The following ZAP70 variants were observed in gnomAD, a reference collection of about 807,000 sequenced individuals.
The protein encoded by ZAP70 is zeta chain of T cell receptor associated protein kinase 70.
Under a neutral mutation model 65.8 loss-of-function variants are expected in ZAP70, and 27 were observed. The ratio of observed to expected loss-of-function variants is 0.41; its 90% CI spans 0.30 to 0.57. The LOEUF is 0.57. Ranked by LOEUF, ZAP70 falls within the 20% of genes least tolerant of loss-of-function variation. The probability of loss-of-function intolerance (pLI) is 0.28; values close to 1 mark genes in which losing one functional copy is unlikely to be tolerated. For synonymous variants in ZAP70, 363 were observed against 360.8 expected, an observed-to-expected ratio of 1.01 and a Z score of -0.07; for missense variants, 696 against 870.5, an observed-to-expected ratio of 0.80 and a Z score of 2.52.
In ZAP70 at chr2:97,733,039, C is replaced by T; in HGVS notation, c.702+18C>T. On this transcript the variant is annotated intron_variant, in intron 5 of 13. Transcript: ENST00000264972. ...TCTGGCAGGTAGGCTGCCCGTGCAA[C>T]TTGTTCTGGGAGATGCCGTGCTCAG... 1 of 1,614,072 alleles carries T rather than the reference C, an allele frequency of 6.2e-7. No individual in the cohort carries two copies. The highest frequency in any genetic ancestry group is 8.5e-7 in the Non-Finnish European group (1 of 1,180,026).
intron 13 of ZAP70, among the ~76,000 whole-genome samples, chr2:97,738,824 C>A (rs1678019163): frequency 6.6e-6 from 1 of 152,066 alleles, no homozygotes; most frequent in African/African-American, 2.4e-5. Context: ...TCAGGAAACA[C>A]CCAGGGCACC....
At position 97,725,869 on chromosome 2, in the gene ZAP70, G is replaced by A. The variant is rs76087170; in HGVS notation, c.563+617G>A. Among the ~76,000 whole-genome samples the A allele has an allele frequency of 6.6e-3, 1,001 of 152,294 alleles. 22 individuals carry two copies. The highest frequency in any genetic ancestry group is 0.026 in the East Asian group (132 of 5,172). The stretch of plus-strand genomic sequence containing the variant: ...AATGCAATGGCAAGTGCAAAGATCA[G>A]GAGGCAGGAGTCTATTTGGCGTGTT... On this transcript the variant is annotated intron_variant, in intron 4 of 13. Transcript: ENST00000264972.
Position 97,739,375 on chromosome 2 carries a change from G to A in ZAP70, c.1737G>A (p.Lys579=). ...YALMSDCWIY[K]WEDRPDFLTV... The stretch of plus-strand genomic sequence containing the variant: ...CCTGGATGTACCCCACGCCCCACAG[G>A]TGGGAGGATCGCCCCGACTTCCTGA... The change falls in exon 14 of 14, where the codon AAG becomes AAA. Residue 579 remains lysine, a splice_region_variant and synonymous_variant. Coordinates refer to ENST00000264972, the MANE Select transcript of ZAP70 (RefSeq NM_001079.4). 2 of 1,613,420 alleles carry A rather than the reference G, an allele frequency of 1.2e-6. No individual in the cohort carries two copies. Among genetic ancestry groups the A allele is most frequent in the South Asian group, 1.1e-5 (1 of 91,074 alleles).
At chr2:97,717,963 G>A (rs953407866) in intron 2 of ZAP70, among the ~76,000 whole-genome samples, 1 of 152,204 alleles carries the variant, frequency 6.6e-6, no homozygotes, top group African/African-American at 2.4e-5. Context: ...TGGCTGCTCT[G>A]CTGTGATCTC....
intron 13 of ZAP70, among the ~76,000 whole-genome samples, 155 bp from the exon 14 acceptor site, chr2:97,739,220 C>G (rs1052934544): frequency 6.6e-5 from 10 of 152,170 alleles, no homozygotes; most frequent in Admixed American, 1.3e-4. Flanking sequence ...CCCCAGAGTC[C>G]TCTCCACCAC....
intron 13 of ZAP70, among the ~76,000 whole-genome samples, 200 bp from the exon 14 acceptor site, chr2:97,739,175 C>T (rs566667228): frequency 6.6e-6 from 1 of 152,270 alleles, no homozygotes; most frequent in Admixed American, 6.5e-5. Flanking sequence ...AGCTCTGCCT[C>T]CTTAGGCTGT....
At chr2:97,747,815 G>GGTT in the ZAP70 span, among the ~76,000 whole-genome samples, 21 of 54,736 alleles carry the variant, frequency 3.8e-4, no homozygotes, top group African/African-American at 1.8e-3. Context: ...CTGGCACGAG[G>GGTT]TTTTTTTTTT....
At chr2:97,755,813 A>G in the ZAP70 span, among the ~76,000 whole-genome samples, 15 of 152,304 alleles carry the variant, frequency 9.8e-5, 1 homozygote, top group East Asian at 1.5e-3. Flanking sequence ...GAAGGCTGGT[A>G]AAGGTTGGCC....
the ZAP70 span, among the ~76,000 whole-genome samples, chr2:97,748,774 A>G: frequency 6.6e-6 from 1 of 152,156 alleles, no homozygotes. Context: ...ACTGGATTCT[A>G]ATTTTATAAA....
chr2:97,744,497 T>C (rs537300935), downstream of ZAP70, among the ~76,000 whole-genome samples: 1 of 152,324 alleles, frequency 6.6e-6, no homozygotes, highest in East Asian at 1.9e-4. Context: ...TGAGTAGTGA[T>C]GTGAAGTGAA....
At position 97,739,619 on chromosome 2, in the gene ZAP70, G is replaced by T; in HGVS notation, c.*121G>T. 4 of 1,441,924 alleles carry T rather than the reference G, an allele frequency of 2.8e-6. No individual in the cohort carries two copies. The highest frequency in any genetic ancestry group is 3.7e-6 in the Non-Finnish European group (4 of 1,072,802). 89.3% of individuals were successfully genotyped at this position (1,441,924 alleles called of 1,614,324 possible). ...TCCACACACAGCTGGGCTGTGGTAG[G>T]GGGTGTCTCAGGCCACACCGGCCTT... On this transcript the variant is annotated 3_prime_UTR_variant, in exon 14 of 14. Coordinates refer to ENST00000264972, the MANE Select transcript of ZAP70 (RefSeq NM_001079.4).
At chr2:97,744,908 A>C in the ZAP70 span, among the ~76,000 whole-genome samples, 1 of 152,256 alleles carries the variant, frequency 6.6e-6, no homozygotes, top group Admixed American at 6.5e-5. Context: ...AAGAAAACAA[A>C]GAGGTAAATA....
rs1559327026 is a variant in ZAP70 at position 97,734,534 on chromosome 2, C to G, written c.904C>G (p.Pro302Ala). The change falls in exon 9 of 14, where the codon CCA (proline) becomes GCA (alanine). Residue 302 changes from proline (P) to alanine (A), a missense_variant. Physicochemically the swap from Pro to Ala is conservative, Grantham distance 27 (BLOSUM62 -1). Transcript: ENST00000264972. ...TGTGTGCCCAGCACGCATAACGTCC[C>G]CAGACAAACCGCGGCCGATGCCCAT... The part of the protein sequence containing the change: ...YTPEPARITS[P>A]DKPRPMPMDT... 2 of 1,613,990 alleles carry G rather than the reference C, an allele frequency of 1.2e-6. No homozygotes were observed. Among genetic ancestry groups the G allele is most frequent in the Non-Finnish European group, 1.7e-6 (2 of 1,179,986 alleles).
At chr2:97,741,576 G>A (rs1257152118), downstream of ZAP70, among the ~76,000 whole-genome samples, 1 of 152,184 alleles carries the variant, frequency 6.6e-6, no homozygotes, top group Non-Finnish European at 1.5e-5. Context: ...AAAGCTCCCC[G>A]CCCAGGCTCC....
Position 97,739,651 on chromosome 2 carries a change from C to T in ZAP70, c.*153C>T, listed in dbSNP as rs201196951. On this transcript the variant is annotated 3_prime_UTR_variant, in exon 14 of 14. Transcript: ENST00000264972. ...CTCAGGCCACACCGGCCTTGCATTG[C>T]CTGCCTGGCCCCCTGTCCTCTCTGG... 3.3e-5 allele frequency: 39 copies of T among 1,194,564 alleles called. No individual in the cohort carries two copies. The highest frequency in any genetic ancestry group is 4.5e-5 in the Non-Finnish European group (39 of 862,036). 74.0% of individuals were successfully genotyped at this position (1,194,564 alleles called of 1,614,324 possible). A position where few individuals can be genotyped will look rare whatever the true frequency, so the allele number is the denominator to read the frequency against.
chr2:97,754,885 C>CA, the ZAP70 span, among the ~76,000 whole-genome samples: 1 of 152,200 alleles, frequency 6.6e-6, no homozygotes, highest in Non-Finnish European at 1.5e-5. Context: ...GCCTACACAC[C>CA]ATAGCTCTGG....
chr2:97,723,760 G>T (rs755047231), intron 2 of ZAP70, among the ~76,000 whole-genome samples: 24 of 152,178 alleles, frequency 1.6e-4, no homozygotes, highest in Non-Finnish European at 2.9e-4. Flanking sequence ...GGGTGCTTGG[G>T]GACCAGTTGG....
the ZAP70 span, among the ~76,000 whole-genome samples, chr2:97,753,780 G>C: frequency 6.6e-6 from 1 of 151,918 alleles, no homozygotes; most frequent in South Asian, 2.1e-4. Flanking sequence ...GAGACCAGAG[G>C]GGGCAACGAA....
intron 8 of ZAP70, chr2:97,734,247 C>A: frequency 2.3e-6 from 2 of 867,410 alleles, no homozygotes; most frequent in Non-Finnish European, 3.3e-6. Flanking sequence ...ACATGCACAC[C>A]CCAGCTGGCA....
Sources: allele counts gnomAD v4.1 joint callset (sites outside exome capture counted in the v4.1 genomes callset), GRCh38; gene constraint gnomAD v4.1.1; transcripts MANE v1.5; gene names NCBI Gene and HGNC (gene_info 2026-07-23, HGNC 2026-07-21).